Variants in MPND observed in about 807,000 individuals in gnomAD.
MPND encodes the protein MPN domain containing.
Under a neutral mutation model 59.2 loss-of-function variants are expected in MPND, and 56 were observed. That is an observed-to-expected ratio of 0.95 (90% CI 0.76 to 1.18). The LOEUF (loss-of-function observed/expected upper bound fraction) is 1.18, where lower values mean the gene tolerates loss of function less well. Among genes scored for constraint, MPND ranks in the 50% most tolerant of loss-of-function variants. The pLI is 0.00. For synonymous variants in MPND, 323 were observed against 291.9 expected, an observed-to-expected ratio of 1.11 and a Z score of -1.09; for missense variants, 671 against 676.0, an observed-to-expected ratio of 0.99 and a Z score of 0.08.
At position 4,345,905 on chromosome 19, in the gene MPND, G is replaced by T. The variant is rs1467227231; in HGVS notation, c.455G>T (p.Gly152Val). ...GGCTGGGCCTCTGTCAAGTACAAAG[G>T]CCAGAAACTGGACAAGTACAAGGCC... ...GCGWASVKYK[G>V]QKLDKYKATW... is the part of the protein sequence containing the mutation. Residue 152 changes from glycine to valine, a missense_variant, in exon 3 of 13, where the codon GGC becomes GTC. Gly to Val is a moderately radical substitution (Grantham distance 109). Coordinates refer to ENST00000599840, the MANE Select transcript of MPND (RefSeq NM_001300862.2). 1 of 1,613,762 alleles carries T rather than the reference G, an allele frequency of 6.2e-7. No individual in the cohort carries two copies. The highest frequency in any genetic ancestry group is 8.5e-7 in the Non-Finnish European group (1 of 1,180,038).
chr19:4,343,875 G>A lies in MPND; in HGVS notation c.175G>A (p.Gly59Arg). 1 of 1,224,120 alleles carries A rather than the reference G, an allele frequency of 8.2e-7. No homozygotes were observed. Among genetic ancestry groups the A allele is most frequent in the Non-Finnish European group, 1.0e-6 (1 of 986,836 alleles). 75.8% of individuals were successfully genotyped at this position (1,224,120 alleles called of 1,614,324 possible). ...VSGGGGGGGA[G>R]AGGCGGPGGA... Reference sequence around the variant, plus strand: ...CGGAGGAGGCGGCGGCGGCGGGGCCGGGGCGGGGGGCTGCGGCGGGCCCGG... The same window carrying A: ...CGGAGGAGGCGGCGGCGGCGGGGCCAGGGCGGGGGGCTGCGGCGGGCCCGG... Residue 59 changes from glycine (G) to arginine (R), a missense_variant, in exon 2 of 13, where the codon GGG becomes AGG. Coordinates refer to ENST00000599840, the MANE Select transcript of MPND (RefSeq NM_001300862.2).
chr19:4,358,103 C>T lies in MPND; in HGVS notation c.1257C>T (p.Gly419=). 1 of 1,551,500 alleles carries T rather than the reference C, an allele frequency of 6.4e-7. No individual in the cohort carries two copies. The highest frequency in any genetic ancestry group is 2.4e-5 in the East Asian group (1 of 40,926). The change falls in exon 11 of 13, where the codon GGC becomes GGT. Residue 419 remains glycine, a synonymous_variant. Transcript: ENST00000599840. ...PPPEQRPSDY[G]IPMDVEMAYV... is the part of the protein sequence containing the mutation. Reference sequence around the variant, plus strand: ...GCCAGCAAAGGCCCAGTGACTATGGCATCCCCATGGATGTGGAGATGGCCT... The same window carrying T: ...GCCAGCAAAGGCCCAGTGACTATGGTATCCCCATGGATGTGGAGATGGCCT...
Position 4,359,176 on chromosome 19 carries a change from A to G in MPND, c.1340A>G (p.Glu447Gly). ...DILHEMMLLV[E>G]FYKGSPDLVR... The stretch of plus-strand genomic sequence containing the variant: ...TCTGTCCTGTAGATGCTGCTGGTGG[A>G]GTTCTACAAGGGTTCCCCTGACCTC... The change falls in exon 12 of 13, where the codon GAG becomes GGG. Residue 447 changes from glutamate to glycine, a missense_variant. By Grantham distance (98) the Glu-to-Gly change is moderately conservative (BLOSUM62 -2). Transcript: ENST00000599840. 6.2e-7 allele frequency: 1 copy of G among 1,612,654 alleles called. No homozygotes were observed. Among genetic ancestry groups the G allele is most frequent in the East Asian group, 2.2e-5 (1 of 44,834 alleles).
intron 3 of MPND, among the ~76,000 whole-genome samples, chr19:4,346,227 G>A (rs773067083): frequency 2.6e-5 from 4 of 152,132 alleles, no homozygotes; most frequent in Non-Finnish European, 5.9e-5. Flanking sequence ...CTTTCTAGAA[G>A]GATGGAATGG....
rs1472522247 is a variant in MPND at position 4,357,590 on chromosome 19, G to C, written c.1236+5G>C. On this transcript the variant is annotated splice_donor_5th_base_variant and intron_variant, in intron 10 of 12. Coordinates refer to ENST00000599840, the MANE Select transcript of MPND (RefSeq NM_001300862.2). ...TGGGTGATGCCTCCTCCCGAGGTAG[G>C]TGGGGCTGTTGGGAGAGCCTGGGGG... The C allele has an allele frequency of 1.2e-6, 2 of 1,608,310 alleles. No homozygotes were observed. Among genetic ancestry groups the C allele is most frequent in the South Asian group, 2.2e-5 (2 of 89,894 alleles).
intron 2 of MPND, 150 bp from the exon 3 acceptor site, chr19:4,345,595 C>A: frequency 1.5e-6 from 1 of 688,348 alleles, no homozygotes; most frequent in Non-Finnish European, 2.5e-6. Context: ...GACTCCCAGG[C>A]ACTGAGGAGG....
At chr19:4,355,289 G>A in intron 8 of MPND, 116 bp downstream of exon 8, 1 of 1,027,968 alleles carries the variant, frequency 9.7e-7, no homozygotes, top group Non-Finnish European at 1.5e-6. Context: ...AGGTGAGCAT[G>A]CCCGTCTGTG....
chr19:4,355,160 C>T lies in MPND; in HGVS notation c.983C>T (p.Ala328Val), dbSNP rs1972409199. ...CTCGGGGACGCAGAGACTGCAGCTG[C>T]CATCGAAGAGGAGGTGAGGGGCTAC... ...SRLGDAETAA[A>V]IEEEIYQSLF... Residue 328 changes from alanine (A) to valine (V), a missense_variant, in exon 8 of 13, where the codon GCC (alanine) becomes GTC (valine). Ala to Val is a moderately conservative substitution (Grantham distance 64). Transcript: ENST00000599840. 6.2e-7 allele frequency: 1 copy of T among 1,612,916 alleles called. No individual in the cohort carries two copies. The highest frequency in any genetic ancestry group is 8.5e-7 in the Non-Finnish European group (1 of 1,179,978).
chr19:4,357,226 C>A, intron 8 of MPND, 27 bp from the exon 9 acceptor site: 1 of 1,558,694 alleles, frequency 6.4e-7, no homozygotes, highest in South Asian at 1.2e-5. Context: ...GGCCCCTGTG[C>A]CCGCTGAGCT....
rs1972348843 is a variant in MPND, at chr19:4,352,832, A to G, written c.532-65A>G. The G allele has an allele frequency of 9.4e-6, 12 of 1,276,676 alleles. No individual in the cohort carries two copies. The South Asian group carries it at 3.3e-4, about 35-fold the overall frequency. 79.1% of individuals were successfully genotyped at this position (1,276,676 alleles called of 1,614,324 possible). ...AGGCCAAAGGGCTGGGGTGGGATTT[A>G]GCAGGGAGCGGGGGGGCACCCAGCT... On this transcript the variant is annotated intron_variant, in intron 3 of 12. Transcript: ENST00000599840.
Position 4,359,950 on chromosome 19 carries a change from GCCTGTGT to G in MPND, c.1456_1462del (p.Leu486ThrfsTer?), listed in dbSNP as rs754948031. 6.3e-7 allele frequency: 1 copy of G among 1,575,612 alleles called. No individual in the cohort carries two copies. The highest frequency in any genetic ancestry group is 1.8e-5 in the Admixed American group (1 of 55,698). ...GCCAGCAGGACGCCCAAGGACCAGA[GCCTGTGT>G]CACGTCCTGGAACAGGTGTGCGGCG... is the stretch of plus-strand genomic sequence containing the variant. On this transcript the variant is annotated frameshift_variant, in exon 13 of 13. Transcript: ENST00000599840. LOFTEE classifies it high-confidence loss of function.
intron 8 of MPND, among the ~76,000 whole-genome samples, chr19:4,355,582 G>T (rs970061099): frequency 2.0e-5 from 3 of 151,518 alleles, no homozygotes; most frequent in African/African-American, 7.3e-5. Context: ...TGATCTGCCC[G>T]CCTCAGCCTC....
intron 2 of MPND, 128 bp from the exon 3 acceptor site, chr19:4,345,617 G>C: frequency 1.2e-6 from 1 of 822,218 alleles, no homozygotes; most frequent in Non-Finnish European, 1.9e-6. Flanking sequence ...CCTGCAGCCG[G>C]CCTGAGAGGT....
Position 4,360,022 on chromosome 19 carries a change from G to T in MPND, c.*20G>T, listed in dbSNP as rs969534185. 1.3e-6 allele frequency: 2 copies of T among 1,550,764 alleles called. No individual in the cohort carries two copies. Among genetic ancestry groups the T allele is most frequent in the South Asian group, 2.4e-5 (2 of 84,080 alleles). ...AGCTGAGCCTTCCAGGGCAGGGTGGGCTCCAGTTGTCTTGAGGGTCCGGAT... is the reference window on the plus strand; with the variant it reads ...AGCTGAGCCTTCCAGGGCAGGGTGGTCTCCAGTTGTCTTGAGGGTCCGGAT... On this transcript the variant is annotated 3_prime_UTR_variant, in exon 13 of 13. Coordinates refer to ENST00000599840, the MANE Select transcript of MPND (RefSeq NM_001300862.2).
In MPND at chr19:4,357,517, C is replaced by T. The variant is rs1206418562; in HGVS notation, c.1168C>T (p.Pro390Ser). Residue 390 changes from proline (P) to serine (S), a missense_variant and splice_region_variant, in exon 10 of 13, where the codon CCT (proline) becomes TCT (serine). Physicochemically the swap from Pro to Ser is moderately conservative, Grantham distance 74. Transcript: ENST00000599840. ...FQPCLALLCS[P>S]YYSGNPGPES... The stretch of plus-strand genomic sequence containing the variant: ...CCCCTCTCCCTCTCTCCCGCCAGCC[C>T]CTTACTATTCTGGCAACCCAGGCCC... 4 of 1,613,636 alleles carry T rather than the reference C, an allele frequency of 2.5e-6. No individual in the cohort carries two copies. In the East Asian group the frequency reaches 8.9e-5, roughly 36 times the overall value.
intron 3 of MPND, among the ~76,000 whole-genome samples, chr19:4,351,141 T>C (rs1160248520): frequency 1.3e-5 from 2 of 152,200 alleles, no homozygotes; most frequent in East Asian, 3.8e-4. Flanking sequence ...TCTCGCTCCG[T>C]CACCCAGGCT....
chr19:4,344,903 A>AT (rs893590706), intron 2 of MPND, among the ~76,000 whole-genome samples: 1,479 of 140,372 alleles, frequency 0.011, 6 homozygotes, highest in African/African-American at 0.024. Flanking sequence ...CGCCTGGCTA[A>AT]TTTTTTTTTT....
chr19:4,354,312 T>C lies in MPND; in HGVS notation c.750-12T>C. On this transcript the variant is annotated splice_polypyrimidine_tract_variant and intron_variant, in intron 5 of 12. Coordinates refer to ENST00000599840, the MANE Select transcript of MPND (RefSeq NM_001300862.2). Reference sequence around the variant, plus strand: ...GATTCCTGAGACTGTGCGACCCTCCTGGCCCCTACAGGAACCCCCACACCC... The same window carrying C: ...GATTCCTGAGACTGTGCGACCCTCCCGGCCCCTACAGGAACCCCCACACCC... The C allele has an allele frequency of 6.4e-7, 1 of 1,553,490 alleles. No individual in the cohort carries two copies. The highest frequency in any genetic ancestry group is 8.7e-7 in the Non-Finnish European group (1 of 1,147,364).
intron 4 of MPND, among the ~76,000 whole-genome samples, chr19:4,353,270 A>G (rs1409817431): frequency 6.6e-6 from 1 of 151,932 alleles, no homozygotes; most frequent in East Asian, 1.9e-4. Context: ...TATTTTATAT[A>G]TTTATTTATT....
Sources: allele counts gnomAD v4.1 joint callset (sites outside exome capture counted in the v4.1 genomes callset), GRCh38; gene constraint gnomAD v4.1.1; transcripts MANE v1.5; gene names NCBI Gene and HGNC (gene_info 2026-07-23, HGNC 2026-07-21).